Variants in CARD8 observed in about 807,000 individuals in gnomAD.
CARD8 encodes the protein caspase recruitment domain family member 8.
A neutral mutation model predicts 53.2 loss-of-function variants in CARD8; 38 were observed. The ratio of observed to expected loss-of-function variants is 0.71; its 90% CI spans 0.55 to 0.94. The LOEUF (loss-of-function observed/expected upper bound fraction) is 0.94. Among genes scored for constraint, CARD8 ranks in the 40% least tolerant of loss-of-function variants. The pLI is 0.00. For missense variants in CARD8, 561 were observed against 655.5 expected, an observed-to-expected ratio of 0.86 and a Z score of 1.57; for synonymous variants, 245 against 244.9, an observed-to-expected ratio of 1.00 and a Z score of 0.00.
In CARD8 at chr19:48,238,450, T is replaced by C. The variant is rs1255209000; in HGVS notation, c.142A>G (p.Ile48Val). The part of the protein sequence containing the change: ...GSRKLLVDNS[I>V]RELQYTKTGI... ...GTTTTTGTGTATTGCAGTTCCCGTA[T>C]GCTATTGTCAACCAACAGTTTCCGT... The change falls in exon 5 of 14, where the codon ATA becomes GTA. Residue 48 changes from isoleucine (I) to valine (V), a missense_variant. Coordinates refer to ENST00000651546, the MANE Select transcript of CARD8 (RefSeq NM_001184900.3). 7 of 1,536,134 alleles carry C rather than the reference T, an allele frequency of 4.6e-6. No individual in the cohort carries two copies. The highest frequency in any genetic ancestry group is 6.1e-6 in the Non-Finnish European group (7 of 1,146,928).
At chr19:48,204,453 G>A (rs188452743), downstream of CARD8, among the ~76,000 whole-genome samples, 1 of 152,058 alleles carries the variant, frequency 6.6e-6, no homozygotes, top group Non-Finnish European at 1.5e-5. Context: ...CATTGAAATC[G>A]ACAAGTTACT....
At chr19:48,252,546 A>T (rs1419273593) in intron 1 of CARD8, among the ~76,000 whole-genome samples, 6 of 151,020 alleles carry the variant, frequency 4.0e-5, no homozygotes, top group African/African-American at 1.5e-4. Flanking sequence ...AGGCTGGAGT[A>T]TGCAGTGGTG....
At chr19:48,254,907 C>T (rs2047406351) in intron 1 of CARD8, among the ~76,000 whole-genome samples, 1 of 152,196 alleles carries the variant, frequency 6.6e-6, no homozygotes, top group Non-Finnish European at 1.5e-5. Context: ...AACTGCTGGT[C>T]CAACCTAGGA....
intron 4 of CARD8, among the ~76,000 whole-genome samples, chr19:48,240,309 T>C (rs1049787094): frequency 2.0e-5 from 3 of 152,106 alleles, no homozygotes; most frequent in African/African-American, 7.2e-5. Context: ...TGCTATGGGA[T>C]TGTCAAGAGC....
At chr19:48,228,459 G>C (rs577356227) in intron 10 of CARD8, among the ~76,000 whole-genome samples, 1 of 151,924 alleles carries the variant, frequency 6.6e-6, no homozygotes, top group South Asian at 2.1e-4. Flanking sequence ...TGAGACCCCA[G>C]GTAAGAATGA....
intron 12 of CARD8, among the ~76,000 whole-genome samples, chr19:48,218,129 C>T (rs1402054561): frequency 6.6e-6 from 1 of 151,980 alleles, no homozygotes; most frequent in Non-Finnish European, 1.5e-5. Flanking sequence ...TGTGTTATCA[C>T]ACTGATAATA....
Position 48,252,032 on chromosome 19 carries a change from G to A in CARD8, c.-251-2185C>T, listed in dbSNP as rs138728917. Reference sequence around the variant, plus strand: ...AAATCAAGACTAGAGATGATCACTGGAATTATTTCATCATGCTACCCAACC... The same window carrying A: ...AAATCAAGACTAGAGATGATCACTGAAATTATTTCATCATGCTACCCAACC... On this transcript the variant is annotated intron_variant, in intron 1 of 13. Coordinates refer to ENST00000651546, the MANE Select transcript of CARD8 (RefSeq NM_001184900.3). 3.7e-4 allele frequency among the ~76,000 whole-genome samples: 56 copies of A among 152,060 alleles called. No individual in the cohort carries two copies. In the East Asian group the frequency reaches 8.5e-3, roughly 23 times the overall value.
intron 3 of CARD8, among the ~76,000 whole-genome samples, chr19:48,243,524 C>G (rs917438350): frequency 6.6e-6 from 1 of 152,194 alleles, no homozygotes; most frequent in Non-Finnish European, 1.5e-5. Flanking sequence ...ATGCTTCTCA[C>G]AGCCTGCGAA....
downstream of CARD8, among the ~76,000 whole-genome samples, chr19:48,207,734 G>GTTTTTTTTTTTTTGTTTTTTTTT (rs1555790116): frequency 4.3e-5 from 5 of 116,538 alleles, no homozygotes; most frequent in Admixed American, 8.8e-5. Context: ...TTGTTTTTCT[G>GTTTTTTTTTTTTTGTTTTTTTTT]TTTTTTTTTT....
chr19:48,213,675 A>C (rs1412152079), intron 13 of CARD8, among the ~76,000 whole-genome samples: 24 of 152,022 alleles, frequency 1.6e-4, no homozygotes, highest in Non-Finnish European at 2.9e-5. Flanking sequence ...CACCCAGCCA[A>C]CTCTTTATAT....
intron 6 of CARD8, chr19:48,233,476 T>A (rs1003441015): frequency 2.2e-6 from 1 of 452,646 alleles, no homozygotes; most frequent in African/African-American, 2.0e-5. Flanking sequence ...AAGCCAAGCA[T>A]GGAGAGACCC....
downstream of CARD8, chr19:48,203,150 C>T (rs1468886790): frequency 6.6e-6 from 1 of 152,192 alleles, no homozygotes; most frequent in Non-Finnish European, 1.5e-5. Context: ...AGTGCCTAGC[C>T]AATTAAACTT....
At chr19:48,232,770 T>C (rs1191802453) in intron 6 of CARD8, 1 of 608,970 alleles carries the variant, frequency 1.6e-6, no homozygotes, top group East Asian at 3.5e-5. Flanking sequence ...GAAAGTTCTC[T>C]TAGACTGGGC....
intron 6 of CARD8, 134 bp downstream of exon 6, chr19:48,234,269 T>G: frequency 1.2e-6 from 1 of 852,680 alleles, no homozygotes. Context: ...CTGGATTCAT[T>G]GCTAGTATTG....
At position 48,226,199 on chromosome 19, in the gene CARD8, T is replaced by A. The variant is rs186190487; in HGVS notation, c.1035+4239A>T. ...TTTTAAGTGTATTAGAATTAAAAAATTTTAATTTTTTTTCTTTCCAACATT... is the reference window on the plus strand; with the variant it reads ...TTTTAAGTGTATTAGAATTAAAAAAATTTAATTTTTTTTCTTTCCAACATT... On this transcript the variant is annotated intron_variant, in intron 10 of 13. Coordinates refer to ENST00000651546, the MANE Select transcript of CARD8 (RefSeq NM_001184900.3). Among the ~76,000 whole-genome samples the A allele has an allele frequency of 9.5e-4, 144 of 152,228 alleles. No homozygotes were observed. In the Middle Eastern group the frequency reaches 0.01, roughly 11 times the overall value.
Position 48,233,663 on chromosome 19 carries a change from C to T in CARD8, c.350+740G>A, listed in dbSNP as rs528298895. ...GGTTTAGAAAGTGGGAGGAACCCAG[C>T]GCTGAACTGCAGACAGCGCATCCCA... is the stretch of plus-strand genomic sequence containing the variant. On this transcript the variant is annotated intron_variant, in intron 6 of 13. Transcript: ENST00000651546. The T allele has an allele frequency of 1.5e-5, 4 of 271,004 alleles. No homozygotes were observed. The East Asian group carries it at 3.2e-4, about 22-fold the overall frequency. 16.8% of individuals were successfully genotyped at this position (271,004 alleles called of 1,614,324 possible).
At chr19:48,246,267 C>T (rs1257722885) in intron 3 of CARD8, among the ~76,000 whole-genome samples, 1 of 152,128 alleles carries the variant, frequency 6.6e-6, no homozygotes, top group Non-Finnish European at 1.5e-5. Context: ...TCAACATGCC[C>T]CGTCCTTTTT....
intron 5 of CARD8, 106 bp downstream of exon 5, chr19:48,238,277 T>A: frequency 7.0e-7 from 1 of 1,433,318 alleles, no homozygotes; most frequent in Non-Finnish European, 9.1e-7. Flanking sequence ...ATATACTAAT[T>A]TTTATGCAAA....
At chr19:48,231,071 G>A in intron 8 of CARD8, 65 bp from the exon 9 acceptor site, 1 of 1,320,260 alleles carries the variant, frequency 7.6e-7, no homozygotes, top group South Asian at 1.2e-5. Flanking sequence ...GCAGCGATGT[G>A]CAGAGGGAGG....
Sources: gnomAD v4.1 joint callset for allele counts (sites outside exome capture counted in the v4.1 genomes callset) on GRCh38, gnomAD v4.1.1 for gene constraint, MANE v1.5 for transcripts, NCBI Gene and HGNC (gene_info 2026-07-23, HGNC 2026-07-21) for gene names.